The following PRELID2 variants were observed in gnomAD, a reference collection of about 807,000 sequenced individuals.
The protein encoded by PRELID2 is PRELI domain-containing protein 2.
In PRELID2, 25 loss-of-function variants were observed where a neutral mutation model predicts 28.4. That is an observed-to-expected ratio of 0.88 (90% CI 0.64 to 1.23). PRELID2 has a LOEUF of 1.23. PRELID2 is among the 50% of genes most tolerant of loss of function. The pLI is 0.00. For missense variants in PRELID2, 201 were observed against 214.4 expected (o/e 0.94, Z 0.39); for synonymous variants, 76 against 71.6 (o/e 1.06, Z -0.31).
chr5:145,457,090 T>C, the PRELID2 span, among the ~76,000 whole-genome samples: 1 of 152,080 alleles, frequency 6.6e-6, no homozygotes, highest in African/African-American at 2.4e-5. Context: ...AAAGCTTTTT[T>C]GGAAATGGGG....
the PRELID2 span, among the ~76,000 whole-genome samples, chr5:145,405,210 A>G: frequency 6.6e-6 from 1 of 152,176 alleles, no homozygotes; most frequent in Admixed American, 6.5e-5. Context: ...AAATTTCTCC[A>G]CAATGGCAGA....
the PRELID2 span, among the ~76,000 whole-genome samples, chr5:145,410,465 T>G: frequency 6.6e-6 from 1 of 152,150 alleles, no homozygotes; most frequent in East Asian, 1.9e-4. Flanking sequence ...ACTGGATAAT[T>G]TATTTAAAAA....
chr5:145,758,261 A>G lies in PRELID2; in HGVS notation c.*2275T>C, dbSNP rs745492388. On this transcript the variant is annotated 3_prime_UTR_variant, in exon 7 of 7. Coordinates refer to ENST00000683046, the MANE Select transcript of PRELID2 (RefSeq NM_205846.3). ...ACCGCACTGTGCTGGAACCGGGCACACAAGGCAGAAATTCAACCTCTCTGT... is the reference window on the plus strand; with the variant it reads ...ACCGCACTGTGCTGGAACCGGGCACGCAAGGCAGAAATTCAACCTCTCTGT... Among the ~76,000 whole-genome samples the G allele has an allele frequency of 6.6e-6, 1 of 152,202 alleles. No homozygotes were observed. The highest frequency in any genetic ancestry group is 2.4e-5 in the African/African-American group (1 of 41,454).
At chr5:145,496,388 G>A (rs1450691384) in intron 1 of PRELID2, among the ~76,000 whole-genome samples, 2 of 152,120 alleles carry the variant, frequency 1.3e-5, no homozygotes, top group Non-Finnish European at 2.9e-5. Flanking sequence ...AACATTGAAA[G>A]CTACCACAGT....
At chr5:145,752,479 C>T (rs1757149564), downstream of PRELID2, among the ~76,000 whole-genome samples, 1 of 152,150 alleles carries the variant, frequency 6.6e-6, no homozygotes, top group African/African-American at 2.4e-5. Flanking sequence ...AGCAGAAAAG[C>T]GTCATTAAAC....
chr5:145,360,026 G>C, the PRELID2 span, among the ~76,000 whole-genome samples: 1 of 152,194 alleles, frequency 6.6e-6, no homozygotes. Context: ...ACCTGCTGAG[G>C]TATATGAAGC....
intron 1 of PRELID2, among the ~76,000 whole-genome samples, chr5:145,825,601 A>T (rs17103810): frequency 0.2 from 30,830 of 152,192 alleles, 4,127 homozygotes; most frequent in African/African-American, 0.38. Context: ...GAAAATGTAA[A>T]CACCAGGGAG....
intron 1 of PRELID2, among the ~76,000 whole-genome samples, chr5:145,748,400 A>C (rs1757048977): frequency 6.6e-6 from 1 of 152,184 alleles, no homozygotes; most frequent in Non-Finnish European, 1.5e-5. Context: ...TAAAATACCT[A>C]GGAATATAGC....
At chr5:145,771,332 T>A (rs1219659716) in intron 5 of PRELID2, among the ~76,000 whole-genome samples, 1 of 152,056 alleles carries the variant, frequency 6.6e-6, no homozygotes, top group African/African-American at 2.4e-5. Context: ...ACGTGCACTC[T>A]ATGAGGTTTG....
chr5:145,338,115 A>T, the PRELID2 span: 1 of 152,198 alleles, frequency 6.6e-6, no homozygotes, highest in Non-Finnish European at 1.5e-5. Flanking sequence ...GTAATGTATT[A>T]AAAAGCAGTG....
chr5:145,689,685 G>A (rs1488470423), intron 1 of PRELID2, among the ~76,000 whole-genome samples: 1 of 151,958 alleles, frequency 6.6e-6, no homozygotes, highest in African/African-American at 2.4e-5. Context: ...CAGGGAGAGG[G>A]GAGCAAAAAA....
the PRELID2 span, among the ~76,000 whole-genome samples, chr5:145,325,077 ATAAT>A: frequency 1.3e-5 from 2 of 151,696 alleles, no homozygotes; most frequent in Non-Finnish European, 2.9e-5. Context: ...CCTATAAGCA[ATAAT>A]TAAAGTTTCT....
intron 4 of PRELID2, among the ~76,000 whole-genome samples, chr5:145,814,884 T>A (rs1220736394): frequency 6.6e-6 from 1 of 152,194 alleles, no homozygotes; most frequent in Admixed American, 6.5e-5. Context: ...GTGCTGACGC[T>A]GTTGTAAGGG....
chr5:145,603,054 A>G (rs1210444172), intron 1 of PRELID2, among the ~76,000 whole-genome samples: 3 of 152,134 alleles, frequency 2.0e-5, no homozygotes, highest in African/African-American at 7.2e-5. Flanking sequence ...CTCCATCTCA[A>G]GAAACGTGAA....
chr5:145,665,986 T>TAA (rs79255272), intron 1 of PRELID2, among the ~76,000 whole-genome samples: 2,750 of 138,154 alleles, frequency 0.02, 98 homozygotes, highest in African/African-American at 0.066. Context: ...GTCTTTTTTT[T>TAA]AAAAAAAAAA....
At chr5:145,787,037 T>A (rs191201965) in intron 5 of PRELID2, among the ~76,000 whole-genome samples, 74 of 152,216 alleles carry the variant, frequency 4.9e-4, no homozygotes, top group Admixed American at 1.6e-3. Context: ...CTGATCACAA[T>A]AAGAATAATG....
intron 1 of PRELID2, among the ~76,000 whole-genome samples, chr5:145,669,368 A>T (rs1754659977): frequency 6.6e-6 from 1 of 152,056 alleles, no homozygotes; most frequent in Non-Finnish European, 1.5e-5. Context: ...ATTCTACCAT[A>T]TGGTTGGTTT....
At chr5:145,434,922 C>G in the PRELID2 span, among the ~76,000 whole-genome samples, 2 of 152,176 alleles carry the variant, frequency 1.3e-5, no homozygotes, top group African/African-American at 4.8e-5. Flanking sequence ...GGTTCAATCC[C>G]TGGCTCTTCC....
chr5:145,628,271 T>C (rs1186879045), intron 1 of PRELID2, among the ~76,000 whole-genome samples: 2 of 152,136 alleles, frequency 1.3e-5, no homozygotes, highest in Non-Finnish European at 1.5e-5. Flanking sequence ...AAATGTGTTT[T>C]CATTATTGAA....
Sources: allele counts gnomAD v4.1 joint callset (sites outside exome capture counted in the v4.1 genomes callset), GRCh38; gene constraint gnomAD v4.1.1; transcripts MANE v1.5; gene names NCBI Gene and HGNC (gene_info 2026-07-23, HGNC 2026-07-21).